The following ZFAND2A variants were observed in gnomAD, a reference collection of about 807,000 sequenced individuals.
ZFAND2A encodes AN1-type zinc finger protein 2A.
In ZFAND2A, 20 loss-of-function variants were observed where a neutral mutation model predicts 11.6. The observed-to-expected ratio is 1.72, with a 90% CI of 1.21 to 2.50. The LOEUF (loss-of-function observed/expected upper bound fraction) is 2.50. Ranked by LOEUF, ZFAND2A falls within the 30% of genes most tolerant of loss-of-function variation. The probability of loss-of-function intolerance (pLI) is 0.00; values close to 1 mark genes in which losing one functional copy is unlikely to be tolerated. For missense variants in ZFAND2A, 234 were observed against 182.9 expected, an observed-to-expected ratio of 1.28 and a Z score of -1.61; for synonymous variants, 93 against 60.6, an observed-to-expected ratio of 1.54 and a Z score of -2.48.
At chr7:1,150,355 G>T (rs1464938067), downstream of ZFAND2A, among the ~76,000 whole-genome samples, 2 of 151,826 alleles carry the variant, frequency 1.3e-5, no homozygotes, top group African/African-American at 4.8e-5. Flanking sequence ...GTGTTTTTGT[G>T]AACTGTCTCA....
downstream of ZFAND2A, among the ~76,000 whole-genome samples, chr7:1,152,554 G>A (rs914219733): frequency 1.3e-5 from 2 of 152,216 alleles, no homozygotes; most frequent in Non-Finnish European, 2.9e-5. Flanking sequence ...AGACATGCTG[G>A]AGCCCTAGAC....
At chr7:1,152,203 G>A, downstream of ZFAND2A, 2 of 1,526,606 alleles carry the variant, frequency 1.3e-6, no homozygotes, top group Non-Finnish European at 1.8e-6. Flanking sequence ...CACCAACCAA[G>A]AGCTGCAGCA....
At chr7:1,152,037 G>C, downstream of ZFAND2A, 1 of 487,194 alleles carries the variant, frequency 2.1e-6, no homozygotes, top group Non-Finnish European at 3.5e-6. Context: ...TCAGAAACCA[G>C]CTGTATGATG....
At chr7:1,157,617 C>T (rs769751341) in intron 3 of ZFAND2A, 39 bp downstream of exon 3, 19 of 1,547,324 alleles carry the variant, frequency 1.2e-5, no homozygotes, top group Non-Finnish European at 1.4e-5. Context: ...CAGCTTCAGA[C>T]GGTGAAGATG....
downstream of ZFAND2A, chr7:1,152,818 G>C (rs1793425772): frequency 5.1e-5 from 32 of 625,014 alleles, no homozygotes; most frequent in East Asian, 1.0e-3. Flanking sequence ...CCAGCCCCCA[G>C]AACTGTGAAA....
At chr7:1,151,762 T>TAGAAAAAAAAAAA (rs1793401754), downstream of ZFAND2A, among the ~76,000 whole-genome samples, 1 of 87,158 alleles carries the variant, frequency 1.1e-5, no homozygotes, top group South Asian at 3.6e-4. Flanking sequence ...TCATCCCTTT[T>TAGAAAAAAAAAAA]AAAAAAAAAA....
intron 3 of ZFAND2A, chr7:1,157,134 G>A (rs976243482): frequency 7.2e-5 from 11 of 152,226 alleles, no homozygotes; most frequent in African/African-American, 2.7e-4. Context: ...TCAAACCTCT[G>A]GACTCGGGGC....
At chr7:1,157,533 A>T in intron 3 of ZFAND2A, 123 bp downstream of exon 3, 2 of 1,017,258 alleles carry the variant, frequency 2.0e-6, no homozygotes, top group Non-Finnish European at 2.9e-6. Flanking sequence ...GGGACTGAAA[A>T]ACTGGATTTT....
In ZFAND2A at chr7:1,157,651, A is replaced by G. The variant is rs1040533184; in HGVS notation, c.150+5T>C. On this transcript the variant is annotated splice_donor_5th_base_variant and intron_variant, in intron 3 of 4. Coordinates refer to ENST00000316495, the MANE Select transcript of ZFAND2A (RefSeq NM_182491.4). Reference sequence around the variant, plus strand: ...TGAGAATCTTTTGAACAAAGGATCAATTACCTTCTGGAATGCAAACGGACA... The same window carrying G: ...TGAGAATCTTTTGAACAAAGGATCAGTTACCTTCTGGAATGCAAACGGACA... The G allele has an allele frequency of 7.6e-6, 12 of 1,577,280 alleles. No homozygotes were observed. Among genetic ancestry groups the G allele is most frequent in the Admixed American group, 2.0e-5 (1 of 49,886 alleles).
At chr7:1,152,755 T>TC (rs1037882312), downstream of ZFAND2A, among the ~76,000 whole-genome samples, 2 of 151,786 alleles carry the variant, frequency 1.3e-5, no homozygotes, top group Non-Finnish European at 2.9e-5. Context: ...CAGCCGATGC[T>TC]CCCCGCAGCC....
chr7:1,158,384 G>C, intron 1 of ZFAND2A, 127 bp from the exon 2 acceptor site: 3 of 623,018 alleles, frequency 4.8e-6, no homozygotes, highest in Non-Finnish European at 8.5e-6. Flanking sequence ...TGGAGTTTTA[G>C]TACAAATACC....
intron 4 of ZFAND2A, among the ~76,000 whole-genome samples, chr7:1,154,487 G>A (rs369084673): frequency 3.9e-5 from 6 of 152,318 alleles, no homozygotes; most frequent in African/African-American, 1.4e-4. Context: ...CCCCCAGCAA[G>A]GGAAGCTGTG....
chr7:1,155,514 A>C lies in ZFAND2A; in HGVS notation c.221T>G (p.Val74Gly). 1 of 1,613,864 alleles carries C rather than the reference A, an allele frequency of 6.2e-7. No homozygotes were observed. The highest frequency in any genetic ancestry group is 8.5e-7 in the Non-Finnish European group (1 of 1,179,902). The change falls in exon 4 of 5, where the codon GTG becomes GGG. Residue 74 changes from valine to glycine, a missense_variant. Physicochemically the swap from Val to Gly is moderately radical, Grantham distance 109. Coordinates refer to ENST00000316495, the MANE Select transcript of ZFAND2A (RefSeq NM_182491.4). ...IPVKKGQIPD[V>G]VVGDHIDRDC... ...TCTGTCAATGTGATCACCAACCACC[A>C]CGTCTGGTATCTGGCCCTTTTTTAC... is the stretch of plus-strand genomic sequence containing the variant.
chr7:1,158,054 GAGGA>G, intron 2 of ZFAND2A, 100 bp downstream of exon 2: 1 of 1,155,974 alleles, frequency 8.7e-7, no homozygotes, highest in Non-Finnish European at 1.3e-6. Flanking sequence ...TCCCAATACT[GAGGA>G]GCCAGGAAGG....
At chr7:1,157,408 A>G (rs1289892002) in intron 3 of ZFAND2A, 9 of 356,578 alleles carry the variant, frequency 2.5e-5, no homozygotes, top group African/African-American at 1.5e-4. Flanking sequence ...AAGTGACTCC[A>G]TGAGTCCCTG....
downstream of ZFAND2A, chr7:1,152,183 T>C (rs116589816): frequency 8.2e-4 from 1,228 of 1,506,084 alleles, 6 homozygotes; most frequent in African/African-American, 0.015. Flanking sequence ...CACAGCAACC[T>C]TTCCGTGTTC....
intron 4 of ZFAND2A, 143 bp downstream of exon 4, chr7:1,155,310 G>T: frequency 1.7e-6 from 2 of 1,188,444 alleles, no homozygotes; most frequent in Non-Finnish European, 1.1e-6. Flanking sequence ...CGCAGTTTAG[G>T]ACAGGGATAA....
chr7:1,151,825 G>A (rs570109476), downstream of ZFAND2A, among the ~76,000 whole-genome samples: 193 of 149,450 alleles, frequency 1.3e-3, 3 homozygotes, highest in Middle Eastern at 3.4e-3. Flanking sequence ...ATGGCCCGGA[G>A]GTGCTGCTGG....
At chr7:1,159,347 A>G (rs1793618179) in intron 1 of ZFAND2A, among the ~76,000 whole-genome samples, 1 of 152,208 alleles carries the variant, frequency 6.6e-6, no homozygotes, top group Admixed American at 6.5e-5. Flanking sequence ...GGCCCGCAGC[A>G]AGAAAACACA....
Sources: gnomAD v4.1 joint callset for allele counts (sites outside exome capture counted in the v4.1 genomes callset) on GRCh38, gnomAD v4.1.1 for gene constraint, MANE v1.5 for transcripts, NCBI Gene and HGNC (gene_info 2026-07-23, HGNC 2026-07-21) for gene names.